The following LNPEP variants were observed in gnomAD, a reference collection of about 807,000 sequenced individuals.
The protein encoded by LNPEP is leucyl-cystinyl aminopeptidase.
In LNPEP, 64 loss-of-function variants were observed where a neutral mutation model predicts 120.6. That is an observed-to-expected ratio of 0.53 (90% confidence interval 0.43 to 0.65). The LOEUF (loss-of-function observed/expected upper bound fraction) is 0.65. LNPEP is among the 30% of genes least tolerant of loss of function. LNPEP has a pLI of 0.00. For missense variants in LNPEP, 1,057 were observed against 1,200.0 expected, an observed-to-expected ratio of 0.88 and a Z score of 1.76; for synonymous variants, 435 against 425.4, an observed-to-expected ratio of 1.02 and a Z score of -0.28.
chr5:97,026,384 C>T (rs1791339712), intron 15 of LNPEP, among the ~76,000 whole-genome samples: 2 of 151,980 alleles, frequency 1.3e-5, no homozygotes, highest in South Asian at 4.1e-4. Flanking sequence ...TATTTAAAAA[C>T]TATTTATTGT....
intron 1 of LNPEP, among the ~76,000 whole-genome samples, chr5:96,975,241 A>G (rs1484103942): frequency 1.3e-5 from 2 of 152,158 alleles, no homozygotes; most frequent in East Asian, 1.9e-4. Flanking sequence ...TGACAGATAT[A>G]TCCTACACTG....
intron 3 of LNPEP, 126 bp from the exon 4 acceptor site, chr5:96,986,413 T>A: frequency 1.1e-6 from 1 of 892,096 alleles, no homozygotes; most frequent in Non-Finnish European, 1.7e-6. Flanking sequence ...AAATTCATAC[T>A]GAGAGGTTAT....
chr5:96,988,706 CT>C (rs1333928103), intron 4 of LNPEP, among the ~76,000 whole-genome samples: 2 of 152,122 alleles, frequency 1.3e-5, no homozygotes, highest in Non-Finnish European at 1.5e-5. Flanking sequence ...AAGTTCTGGG[CT>C]CAAGTGATTC....
At chr5:96,949,901 G>C (rs1789285053) in intron 1 of LNPEP, among the ~76,000 whole-genome samples, 1 of 152,138 alleles carries the variant, frequency 6.6e-6, no homozygotes, top group Non-Finnish European at 1.5e-5. Context: ...CAGTCAGTCT[G>C]TCTATCCTTC....
chr5:97,019,907 G>GCTA (rs1330457381), intron 13 of LNPEP, among the ~76,000 whole-genome samples: 1 of 152,166 alleles, frequency 6.6e-6, no homozygotes, highest in African/African-American at 2.4e-5. Flanking sequence ...TAACAATGCA[G>GCTA]TTAGGTATGT....
intron 13 of LNPEP, among the ~76,000 whole-genome samples, chr5:97,020,542 C>T (rs1022672980): frequency 8.5e-5 from 13 of 152,262 alleles, no homozygotes; most frequent in African/African-American, 2.6e-4. Flanking sequence ...GTGGCTCACG[C>T]CCGTAATCCC....
chr5:97,036,142 G>A lies in LNPEP; in HGVS notation c.*7609G>A, dbSNP rs927445869. The A allele has an allele frequency of 1.3e-5, 2 of 152,082 alleles. 1 individual carries two copies. The highest frequency in any genetic ancestry group is 4.1e-4 in the South Asian group (2 of 4,822). The allele number at this position is 152,082 out of a possible 1,614,324, so 9.4% of individuals were successfully genotyped here. A position where few individuals can be genotyped will look rare whatever the true frequency, so the allele number is the denominator to read the frequency against. On this transcript the variant is annotated 3_prime_UTR_variant, in exon 18 of 18. Coordinates refer to ENST00000231368, the MANE Select transcript of LNPEP (RefSeq NM_005575.3). ...GAAGTCTATTATGATTCCATCAATT[G>A]CATAGCTTGTGTACCTGGTAGAAAT...
chr5:96,940,666 A>G (rs1789029475), intron 1 of LNPEP, among the ~76,000 whole-genome samples: 1 of 152,226 alleles, frequency 6.6e-6, no homozygotes, highest in Admixed American at 6.5e-5. Flanking sequence ...TAATACTCCT[A>G]TTAGGAAACA....
chr5:96,957,507 C>G (rs1789498255), intron 1 of LNPEP, among the ~76,000 whole-genome samples: 1 of 152,106 alleles, frequency 6.6e-6, no homozygotes, highest in Non-Finnish European at 1.5e-5. Flanking sequence ...CCTGGATTAT[C>G]TAGTTAGGCC....
At chr5:97,010,511 T>C in intron 11 of LNPEP, 1 of 985,388 alleles carries the variant, frequency 1.0e-6, no homozygotes, top group South Asian at 4.7e-5. Flanking sequence ...TTCAATAGCA[T>C]GTATGATGCT....
In LNPEP at chr5:96,941,070, TG is replaced by T. The variant is rs564191916; in HGVS notation, c.19+4897del. Among the ~76,000 whole-genome samples the T allele has an allele frequency of 2.3e-3, 357 of 152,330 alleles. 5 individuals are homozygous for T. The highest frequency in any genetic ancestry group is 8.2e-3 in the African/African-American group (340 of 41,562). Reference sequence around the variant, plus strand: ...GTAGAATCAGTGGGAGCCCTGAGCTTGTTTTCCTGCAAGTAGACAGTCCCAT... The same window carrying T: ...GTAGAATCAGTGGGAGCCCTGAGCTTTTTTCCTGCAAGTAGACAGTCCCAT... On this transcript the variant is annotated intron_variant, in intron 1 of 17. Coordinates refer to ENST00000231368, the MANE Select transcript of LNPEP (RefSeq NM_005575.3).
In LNPEP at chr5:97,004,461, G is replaced by A. The variant is rs572320383; in HGVS notation, c.1785+915G>A. ...TGGTAAGCAGAGGTTGCAGTGAGCC[G>A]AGACTGTACCACTGCACTCCAGCCT... is the stretch of plus-strand genomic sequence containing the variant. On this transcript the variant is annotated intron_variant, in intron 9 of 17. Coordinates refer to ENST00000231368, the MANE Select transcript of LNPEP (RefSeq NM_005575.3). Among the ~76,000 whole-genome samples the A allele has an allele frequency of 2.6e-4, 39 of 151,002 alleles. 1 individual carries two copies. In the South Asian group the frequency reaches 7.7e-3, roughly 30 times the overall value.
chr5:96,999,362 G>A (rs1345227765), intron 8 of LNPEP, among the ~76,000 whole-genome samples: 1 of 152,146 alleles, frequency 6.6e-6, no homozygotes, highest in Non-Finnish European at 1.5e-5. Flanking sequence ...AGTACTTAAA[G>A]TATTAGTGAC....
intron 1 of LNPEP, among the ~76,000 whole-genome samples, chr5:96,962,272 G>C (rs988887250): frequency 2.0e-5 from 3 of 152,120 alleles, no homozygotes; most frequent in African/African-American, 4.8e-5. Context: ...AGGGGTATAC[G>C]TACTGCAGTC....
intron 11 of LNPEP, among the ~76,000 whole-genome samples, chr5:97,008,016 G>GATTT (rs1378452440): frequency 1.2e-4 from 19 of 152,084 alleles, no homozygotes; most frequent in African/African-American, 4.3e-4. Flanking sequence ...GTGGTAGTTG[G>GATTT]TAATGTCATC....
intron 1 of LNPEP, among the ~76,000 whole-genome samples, chr5:96,953,009 T>C (rs1023929489): frequency 1.5e-4 from 23 of 152,252 alleles, no homozygotes; most frequent in Admixed American, 1.0e-3. Flanking sequence ...TTAAGAGGAC[T>C]AGAATCAGCC....
intron 8 of LNPEP, among the ~76,000 whole-genome samples, chr5:97,001,181 A>G (rs1361459119): frequency 2.0e-5 from 3 of 152,180 alleles, no homozygotes; most frequent in Admixed American, 2.0e-4. Context: ...ATTGTAATAG[A>G]TGGGTGGCGA....
chr5:96,957,781 T>C (rs981812985), intron 1 of LNPEP, among the ~76,000 whole-genome samples: 1 of 152,230 alleles, frequency 6.6e-6, no homozygotes, highest in African/African-American at 2.4e-5. Context: ...CTCCAGAATC[T>C]TAAGATAATT....
chr5:96,944,626 T>C (rs549238051), intron 1 of LNPEP, among the ~76,000 whole-genome samples: 6 of 136,366 alleles, frequency 4.4e-5, no homozygotes, highest in Admixed American at 8.2e-5. Context: ...TGGAGTGCAG[T>C]GGTGCAATCT....
Sources: gnomAD v4.1 joint callset for allele counts (sites outside exome capture counted in the v4.1 genomes callset) on GRCh38, gnomAD v4.1.1 for gene constraint, MANE v1.5 for transcripts, NCBI Gene and HGNC (gene_info 2026-07-23, HGNC 2026-07-21) for gene names.